Variants in UBAP1 observed in about 807,000 individuals in gnomAD.
UBAP1 encodes the protein ubiquitin-associated protein 1.
A neutral mutation model predicts 39.0 loss-of-function variants in UBAP1; 5 were observed. That is an observed-to-expected ratio of 0.13 (90% CI 0.07 to 0.27). UBAP1 has a LOEUF of 0.27. Among genes scored for constraint, UBAP1 ranks in the 10% least tolerant of loss-of-function variants. UBAP1 has a pLI of 1.00. For missense variants in UBAP1, 490 were observed against 608.1 expected (o/e 0.81, Z 2.04); for synonymous variants, 211 against 225.1 (o/e 0.94, Z 0.56).
Position 34,249,855 on chromosome 9 carries a change from T to C in UBAP1, c.1160T>C (p.Met387Thr). 1 of 1,614,222 alleles carries C rather than the reference T, an allele frequency of 6.2e-7. No individual in the cohort carries two copies. Among genetic ancestry groups the C allele is most frequent in the Non-Finnish European group, 8.5e-7 (1 of 1,180,042 alleles). The change falls in exon 5 of 7, where the codon ATG becomes ACG. Residue 387 changes from methionine (M) to threonine (T), a missense_variant. Transcript: ENST00000297661. ...SCPQAYSELQ[M>T]LSPSERQCVE... The stretch of plus-strand genomic sequence containing the variant: ...CCCCAGGCCTATTCTGAACTGCAGA[T>C]GCTGTCCCCCAGCGAGCGGCAGTGT...
At chr9:34,213,550 C>T (rs10972003) in intron 1 of UBAP1, among the ~76,000 whole-genome samples, 25,229 of 151,904 alleles carry the variant, frequency 0.17, 2,326 homozygotes, top group South Asian at 0.31. Flanking sequence ...TATGACACAC[C>T]TACAGCCAAC....
chr9:34,203,423 AATTCAGCAACATTC>A (rs1184614732), intron 1 of UBAP1, among the ~76,000 whole-genome samples: 1 of 152,230 alleles, frequency 6.6e-6, no homozygotes, highest in African/African-American at 2.4e-5. Context: ...GAGAACTTGG[AATTCAGCAACATTC>A]ATTCAGCAGG....
In UBAP1 at chr9:34,224,207, T is replaced by G; in HGVS notation, c.34+3259T>G. ...TTTAGATCATTTTTTGTTTAAAATC[T>G]CTTCTTCCTCAGGAGTCAGCTTGTC... On this transcript the variant is annotated intron_variant, in intron 2 of 6. Transcript: ENST00000297661. 6 of 528,320 alleles carry G rather than the reference T, an allele frequency of 1.1e-5. No individual in the cohort carries two copies. In the South Asian group the frequency reaches 1.8e-4, roughly 16 times the overall value. The allele number at this position is 528,320 out of a possible 1,614,324, so 32.7% of individuals were successfully genotyped here. A position where few individuals can be genotyped will look rare whatever the true frequency, so the allele number is the denominator to read the frequency against.
chr9:34,199,242 A>G (rs1359508172), intron 1 of UBAP1, among the ~76,000 whole-genome samples: 3 of 151,364 alleles, frequency 2.0e-5, no homozygotes, highest in Non-Finnish European at 2.9e-5. Flanking sequence ...CCCAGCTAAT[A>G]TTTTGTATTT....
At chr9:34,188,003 A>G (rs1830500676) in intron 1 of UBAP1, among the ~76,000 whole-genome samples, 2 of 151,828 alleles carry the variant, frequency 1.3e-5, no homozygotes, top group African/African-American at 4.8e-5. Context: ...TTTCAATGAG[A>G]AGACTAGTGA....
intron 1 of UBAP1, among the ~76,000 whole-genome samples, chr9:34,194,547 C>A (rs1228851825): frequency 2.0e-5 from 3 of 152,128 alleles, no homozygotes. Context: ...ATCTCCCGAC[C>A]TCGTGATCCT....
chr9:34,197,841 C>T (rs1831151009), intron 1 of UBAP1, among the ~76,000 whole-genome samples: 1 of 152,222 alleles, frequency 6.6e-6, no homozygotes. Context: ...TGAGCCACTA[C>T]ACTTGGCCTC....
In UBAP1 at chr9:34,252,463, A is replaced by AATT. The variant is rs976624311; in HGVS notation, c.*932_*934dup. The AATT allele has an allele frequency of 1.3e-5, 1 of 75,854 alleles. No individual in the cohort carries two copies. The highest frequency in any genetic ancestry group is 1.5e-4 in the Admixed American group (1 of 6,490). 4.7% of individuals were successfully genotyped at this position (75,854 alleles called of 1,614,324 possible). ...GGATATACAGTCTTGAATCTAAAAT[A>AATT]ATTTGCTAACTAACTATTTTGATTC... On this transcript the variant is annotated 3_prime_UTR_variant, in exon 7 of 7. Coordinates refer to ENST00000297661, the MANE Select transcript of UBAP1 (RefSeq NM_016525.5).
Position 34,242,769 on chromosome 9 carries a change from C to T in UBAP1, c.1083+661C>T, listed in dbSNP as rs530684567. ...CAAACTCCTGACCTTAGTTGATCCA[C>T]CTGCCTCCACCTCCCAAATTCCTGG... On this transcript the variant is annotated intron_variant, in intron 4 of 6. Transcript: ENST00000297661. 1.2e-3 allele frequency among the ~76,000 whole-genome samples: 182 copies of T among 152,310 alleles called. 2 individuals are homozygous for T. The highest frequency in any genetic ancestry group is 5.3e-4 in the Non-Finnish European group (36 of 68,024).
At chr9:34,180,198 A>C (rs1439069290) in intron 1 of UBAP1, among the ~76,000 whole-genome samples, 1 of 152,174 alleles carries the variant, frequency 6.6e-6, no homozygotes, top group Non-Finnish European at 1.5e-5. Flanking sequence ...AGTTCTTTCT[A>C]GTTAATGTCC....
intron 2 of UBAP1, among the ~76,000 whole-genome samples, chr9:34,233,612 G>A (rs1833541396): frequency 6.6e-6 from 1 of 152,042 alleles, no homozygotes; most frequent in Admixed American, 6.6e-5. Flanking sequence ...TTAAATACTT[G>A]CCCTATATTT....
rs1554650807 is a variant in UBAP1, at chr9:34,226,123, G to GTGTGTGTGTGTGTGTT, written c.34+5190_34+5191insTTGTGTGTGTGTGTGT. 3.8e-3 allele frequency among the ~76,000 whole-genome samples: 394 copies of GTGTGTGTGTGTGTGTT among 104,644 alleles called. 2 individuals carry two copies. Among genetic ancestry groups the GTGTGTGTGTGTGTGTT allele is most frequent in the African/African-American group, 0.01 (370 of 35,728 alleles). 68.7% of individuals were successfully genotyped at this position (104,644 alleles called of 152,430 possible). On this transcript the variant is annotated intron_variant, in intron 2 of 6. Transcript: ENST00000297661. The stretch of plus-strand genomic sequence containing the variant: ...TACTCTATTGTGTGTGTGTGTGTGT[G>GTGTGTGTGTGTGTGTT]TGTGTGTGTGTGTGTGTGTGTGTGT...
intron 6 of UBAP1, 60 bp from the exon 7 acceptor site, chr9:34,251,332 C>T: frequency 6.4e-7 from 1 of 1,570,566 alleles, no homozygotes; most frequent in African/African-American, 1.3e-5. Flanking sequence ...CACACTCCTT[C>T]ACTCAGCTGT....
intron 4 of UBAP1, among the ~76,000 whole-genome samples, chr9:34,248,220 G>A (rs989635765): frequency 4.6e-5 from 7 of 152,062 alleles, no homozygotes; most frequent in Non-Finnish European, 8.8e-5. Context: ...ATTTTTAGTA[G>A]AGATGGGGTT....
intron 4 of UBAP1, among the ~76,000 whole-genome samples, chr9:34,246,681 G>A (rs1219106710): frequency 6.6e-6 from 1 of 152,160 alleles, no homozygotes; most frequent in Admixed American, 6.5e-5. Flanking sequence ...CATTAGCAGT[G>A]GGTTAAAAGG....
intron 1 of UBAP1, among the ~76,000 whole-genome samples, chr9:34,195,258 C>G (rs1234280952): frequency 4.0e-5 from 6 of 151,464 alleles, no homozygotes; most frequent in African/African-American, 1.5e-4. Flanking sequence ...TTTGCTTAAT[C>G]TAAGGTCAGA....
rs748707380 is a variant in UBAP1 at position 34,250,641 on chromosome 9, C to A, written c.1267-17C>A. ...AAGAGCAGCAGTAGGTGCTAAACCC[C>A]TTGTTTCTTTTCTTAGATTCTCGAC... On this transcript the variant is annotated splice_polypyrimidine_tract_variant and intron_variant, in intron 5 of 6. Transcript: ENST00000297661. The A allele has an allele frequency of 6.2e-7, 1 of 1,607,028 alleles. No homozygotes were observed. Among genetic ancestry groups the A allele is most frequent in the Admixed American group, 1.7e-5 (1 of 59,638 alleles).
At chr9:34,233,258 G>C (rs1833522718) in intron 2 of UBAP1, among the ~76,000 whole-genome samples, 1 of 138,798 alleles carries the variant, frequency 7.2e-6, no homozygotes, top group South Asian at 2.2e-4. Flanking sequence ...GTCTTGCTCT[G>C]TTGCCCAGGC....
At chr9:34,195,921 T>A (rs1364988498) in intron 1 of UBAP1, among the ~76,000 whole-genome samples, 5 of 136,374 alleles carry the variant, frequency 3.7e-5, no homozygotes, top group African/African-American at 1.3e-4. Flanking sequence ...CTATACAAAT[T>A]TTTTGGTTTT....
Sources: gnomAD v4.1 joint callset for allele counts (sites outside exome capture counted in the v4.1 genomes callset) on GRCh38, gnomAD v4.1.1 for gene constraint, MANE v1.5 for transcripts, NCBI Gene and HGNC (gene_info 2026-07-23, HGNC 2026-07-21) for gene names.